The following AP1S2 variants were observed in gnomAD, a reference collection of about 807,000 sequenced individuals.
The protein encoded by AP1S2 is AP-1 complex subunit sigma-2.
Under a neutral mutation model 14.3 loss-of-function variants are expected in AP1S2, and 1 was observed. That is an observed-to-expected ratio of 0.07 (90% CI 0.02 to 0.33). The LOEUF is 0.33. Ranked by LOEUF, AP1S2 falls within the 10% of genes least tolerant of loss-of-function variation. AP1S2 has a pLI of 0.99. For synonymous variants in AP1S2, 30 were observed against 40.5 expected (o/e 0.74, Z 0.99); for missense variants, 30 against 117.7 (o/e 0.25, Z 3.45).
chrX:15,848,081 A>C (rs935245404), intron 2 of AP1S2, among the ~76,000 whole-genome samples: 1 of 111,676 alleles, frequency 9.0e-6, no homozygotes, highest in Non-Finnish European at 1.9e-5. Flanking sequence ...ATCAGAAACA[A>C]TGTGTCTAAG....
rs59216799 is a variant in AP1S2 at position 15,845,186 on chromosome X, A to G, written c.426+193T>C. 2,438 of 752,421 alleles carry G rather than the reference A, an allele frequency of 3.2e-3. 37 individuals are homozygous for G. The African/African-American group carries it at 0.053, about 16-fold the overall frequency. 62.0% of individuals were successfully genotyped at this position (752,421 alleles called of 1,213,427 possible). ...AGGCCTGACCGATAGACCATCTCCAAACTGAACCATCCATCCATAGATAAC... is the reference window on the plus strand; with the variant it reads ...AGGCCTGACCGATAGACCATCTCCAGACTGAACCATCCATCCATAGATAAC... On this transcript the variant is annotated intron_variant, in intron 4 of 5. Transcript: ENST00000672987.
chrX:15,838,360 T>C (rs1933718156), intron 4 of AP1S2, among the ~76,000 whole-genome samples: 1 of 111,757 alleles, frequency 8.9e-6, no homozygotes, highest in Non-Finnish European at 1.9e-5. Flanking sequence ...TCTAGTGTGT[T>C]TGCCTGTATT....
chrX:15,825,855 G>T lies in AP1S2; in HGVS notation c.*1470C>A. 1 of 118,982 alleles carries T rather than the reference G, an allele frequency of 8.4e-6. No homozygotes were observed. The highest frequency in any genetic ancestry group is 1.7e-5 in the Non-Finnish European group (1 of 57,148). 9.8% of individuals were successfully genotyped at this position (118,982 alleles called of 1,213,427 possible). On this transcript the variant is annotated 3_prime_UTR_variant, in exon 6 of 6. Coordinates refer to ENST00000672987, the MANE Select transcript of AP1S2 (RefSeq NM_001272071.2). Reference sequence around the variant, plus strand: ...TTGATTGAAAATAAATGTGTAGATAGGCTCTCAGTATGGAATCCATGTTAT... The same window carrying T: ...TTGATTGAAAATAAATGTGTAGATATGCTCTCAGTATGGAATCCATGTTAT...
chrX:15,828,224 AAGG>A (rs1363260084), intron 4 of AP1S2, 24 bp from the exon 5 acceptor site: 4 of 1,093,330 alleles, frequency 3.7e-6, no homozygotes, highest in East Asian at 3.4e-5. Flanking sequence ...AGCACAAAGC[AAGG>A]AGAAGAGAAA....
intron 4 of AP1S2, chrX:15,831,279 A>G (rs1933428219): frequency 1.3e-6 from 1 of 749,992 alleles, no homozygotes; most frequent in South Asian, 6.8e-5. Context: ...CTTCTAGGTC[A>G]TATTTTGTCA....
chrX:15,835,922 GGTGA>G (rs1933621254), intron 4 of AP1S2, among the ~76,000 whole-genome samples: 2 of 110,134 alleles, frequency 1.8e-5, no homozygotes, highest in Non-Finnish European at 3.8e-5. Flanking sequence ...TGGGCAACAT[GGTGA>G]GACCCTGTCC....
intron 4 of AP1S2, among the ~76,000 whole-genome samples, chrX:15,828,600 A>G (rs1421988921): frequency 1.8e-5 from 2 of 111,302 alleles, no homozygotes; most frequent in East Asian, 2.8e-4. Context: ...ATTTTTTTAA[A>G]AAGAGTCTAA....
At chrX:15,852,297 G>T in intron 2 of AP1S2, 49 bp downstream of exon 2, 1 of 1,111,410 alleles carries the variant, frequency 9.0e-7, no homozygotes, top group South Asian at 1.9e-5. Context: ...TTTCCTAAAT[G>T]ACCTAACATT....
chrX:15,834,468 AT>A (rs1569080221), intron 4 of AP1S2, among the ~76,000 whole-genome samples: 2,578 of 35,701 alleles, frequency 0.072, 289 homozygotes, highest in African/African-American at 0.26. Flanking sequence ...ATATATATAT[AT>A]ATATATATAT....
In AP1S2 at chrX:15,842,617, T is replaced by TTA. The variant is rs1165214053; in HGVS notation, c.426+2761_426+2762insTA. On this transcript the variant is annotated intron_variant, in intron 4 of 5. Transcript: ENST00000672987. ...TCTTCTAAAGACAAGGAACTGTAAT[T>TTA]AACAGTACTCATTTCTTTATTTTAA... 2.7e-5 allele frequency among the ~76,000 whole-genome samples: 3 copies of TTA among 112,454 alleles called. No homozygotes were observed. In the Admixed American group the frequency reaches 2.8e-4, roughly 11 times the overall value.
chrX:15,845,589 C>CTGCTG, intron 3 of AP1S2, 73 bp from the exon 4 acceptor site: 1 of 1,144,790 alleles, frequency 8.7e-7, no homozygotes, highest in Non-Finnish European at 1.2e-6. Flanking sequence ...GATGCTTATT[C>CTGCTG]ACTATCAGGT....
At chrX:15,851,458 C>T (rs1270969494) in intron 2 of AP1S2, among the ~76,000 whole-genome samples, 1 of 112,274 alleles carries the variant, frequency 8.9e-6, no homozygotes, top group Non-Finnish European at 1.9e-5. Context: ...ATACTCCCCA[C>T]ACAAGAGAAC....
intron 4 of AP1S2, among the ~76,000 whole-genome samples, chrX:15,834,649 TA>T (rs199661808): frequency 0.011 from 951 of 90,378 alleles, 22 homozygotes; most frequent in African/African-American, 0.036. Flanking sequence ...CTAATTTTTG[TA>T]TTTTTTTTTT....
intron 1 of AP1S2, among the ~76,000 whole-genome samples, chrX:15,853,643 G>T (rs1205562646): frequency 8.9e-6 from 1 of 112,064 alleles, no homozygotes; most frequent in Non-Finnish European, 1.9e-5. Flanking sequence ...ATAAAAATGG[G>T]CCCTAAATTT....
At position 15,827,315 on chromosome X, in the gene AP1S2, G is replaced by C. The variant is rs1933295343; in HGVS notation, c.*10C>G. On this transcript the variant is annotated 3_prime_UTR_variant, in exon 6 of 6. Transcript: ENST00000672987. ...AAATGCCACAAGAAGTCATCAACAA[G>C]GGAGGAGAGTTATGTCAGTCCAATT... 2.5e-6 allele frequency: 3 copies of C among 1,202,037 alleles called. No homozygotes were observed. The South Asian group carries it at 5.3e-5, about 21-fold the overall frequency.
intron 3 of AP1S2, 54 bp downstream of exon 3, chrX:15,845,849 A>T (rs1375319929): frequency 9.9e-7 from 1 of 1,012,374 alleles, no homozygotes; most frequent in Non-Finnish European, 1.4e-6. Flanking sequence ...TGTTAGAGAA[A>T]AGGTTCCAAA....
intron 2 of AP1S2, among the ~76,000 whole-genome samples, chrX:15,847,416 T>C (rs1327552921): frequency 9.0e-6 from 1 of 111,677 alleles, no homozygotes; most frequent in African/African-American, 3.3e-5. Context: ...CAGGCCTTTT[T>C]CCACTGTATC....
intron 4 of AP1S2, among the ~76,000 whole-genome samples, chrX:15,844,496 T>G (rs1569085293): frequency 8.9e-6 from 1 of 112,840 alleles, no homozygotes; most frequent in Non-Finnish European, 1.9e-5. Flanking sequence ...TAACAACTAC[T>G]TTAGTGAAAA....
chrX:15,833,633 T>A, intron 4 of AP1S2: 1 of 367,125 alleles, frequency 2.7e-6, no homozygotes, highest in Non-Finnish European at 3.6e-6. Flanking sequence ...AGTTCTGTTA[T>A]AAATGCCTTA....
Sources: allele counts gnomAD v4.1 joint callset (sites outside exome capture counted in the v4.1 genomes callset), GRCh38; gene constraint gnomAD v4.1.1; transcripts MANE v1.5; gene names NCBI Gene and HGNC (gene_info 2026-07-23, HGNC 2026-07-21).